Variants in NUDT5 observed in about 807,000 individuals in gnomAD.
NUDT5 encodes the protein ADP-sugar pyrophosphatase.
NUDT5 carries 21 observed loss-of-function variants against 34.1 expected under a neutral mutation model. The observed-to-expected ratio is 0.62, with a 90% CI of 0.44 to 0.89. The LOEUF (loss-of-function observed/expected upper bound fraction) is 0.89. Among genes scored for constraint, NUDT5 ranks in the 40% least tolerant of loss-of-function variants. The pLI is 0.00. For synonymous variants in NUDT5, 85 were observed against 97.6 expected (o/e 0.87, Z 0.76); for missense variants, 249 against 274.8 (o/e 0.91, Z 0.66).
chr10:12,184,852 A>C (rs1835099428), intron 3 of NUDT5, 37 bp downstream of exon 3: 1 of 1,233,686 alleles, frequency 8.1e-7, no homozygotes, highest in Admixed American at 1.9e-5. Flanking sequence ...TGAGAACCCA[A>C]ATAACGAACA....
chr10:12,185,325 C>T (rs1564426418), intron 2 of NUDT5, among the ~76,000 whole-genome samples: 1 of 152,200 alleles, frequency 6.6e-6, no homozygotes, highest in South Asian at 2.1e-4. Context: ...TGGGTGCATA[C>T]AACACAGGTG....
At chr10:12,177,756 A>G (rs2131706312) in intron 5 of NUDT5, 37 bp downstream of exon 5, 1 of 1,460,426 alleles carries the variant, frequency 6.8e-7, no homozygotes. Context: ...GTTCAGGCCA[A>G]CATCCCTAAG....
chr10:12,185,155 C>G (rs1053077040), intron 2 of NUDT5, among the ~76,000 whole-genome samples, 199 bp from the exon 3 acceptor site: 7 of 151,506 alleles, frequency 4.6e-5, no homozygotes, highest in Non-Finnish European at 7.4e-5. Context: ...ACTTCTGCTT[C>G]TTTTTGAAAT....
Position 12,177,795 on chromosome 10 carries a change from G to T in NUDT5, c.287C>A (p.Ala96Glu), listed in dbSNP as rs1359323301. ...CAATTCGATGTTGAGTGACTCACCT[G>T]CAGGGAACTCTATGCAGTAGCCCCC... Reference protein sequence around the residue: ...PMGGYCIEFPAGLIDDGETPE... With the variant: ...PMGGYCIEFPEGLIDDGETPE... The change falls in exon 5 of 10, where the codon GCA becomes GAA. Residue 96 changes from alanine to glutamate, a missense_variant and splice_region_variant. Transcript: ENST00000491614. 6 of 1,609,522 alleles carry T rather than the reference G, an allele frequency of 3.7e-6. No homozygotes were observed. The highest frequency in any genetic ancestry group is 5.1e-6 in the Non-Finnish European group (6 of 1,175,924).
chr10:12,168,993 C>T lies in NUDT5; in HGVS notation c.551-1182G>A, dbSNP rs1834783229. ...GGCCAGGCTGGTCTGGAGCTCCTGA[C>T]CTCAAGTGATCAGCCTACCTCGGCC... On this transcript the variant is annotated intron_variant, in intron 9 of 9. Transcript: ENST00000491614. The surrounding 1 kb of genome is among the most constrained non-coding windows in gnomAD (Gnocchi z 4.8). Among the ~76,000 whole-genome samples the T allele has an allele frequency of 6.6e-6, 1 of 152,002 alleles. No homozygotes were observed. Among genetic ancestry groups the T allele is most frequent in the Non-Finnish European group, 1.5e-5 (1 of 68,008 alleles).
chr10:12,185,354 G>A (rs532500973), intron 2 of NUDT5, among the ~76,000 whole-genome samples: 3 of 152,304 alleles, frequency 2.0e-5, no homozygotes, highest in Admixed American at 6.5e-5. Flanking sequence ...ATGTAGAAAT[G>A]GCCATTTCTA....
Position 12,167,038 on chromosome 10 carries a change from C to A in NUDT5, c.*664G>T, listed in dbSNP as rs1834716317. Reference sequence around the variant, plus strand: ...AGGAAAAGAGATCCTCAAGCACGTGCAGATGCTTGCGGGATGGACCTGAAT... The same window carrying A: ...AGGAAAAGAGATCCTCAAGCACGTGAAGATGCTTGCGGGATGGACCTGAAT... On this transcript the variant is annotated 3_prime_UTR_variant, in exon 10 of 10. Transcript: ENST00000491614. The A allele has an allele frequency of 5.3e-6, 1 of 189,038 alleles. No homozygotes were observed. The highest frequency in any genetic ancestry group is 5.6e-5 in the Admixed American group (1 of 18,016). The allele number at this position is 189,038 out of a possible 1,614,324, so 11.7% of individuals were successfully genotyped here. A position where few individuals can be genotyped will look rare whatever the true frequency, so the allele number is the denominator to read the frequency against.
rs571064755 is a variant in NUDT5, at chr10:12,194,102, T to C, written c.-42+1668A>G. On this transcript the variant is annotated intron_variant, in intron 1 of 9. Coordinates refer to ENST00000491614, the MANE Select transcript of NUDT5 (RefSeq NM_014142.4). The stretch of plus-strand genomic sequence containing the variant: ...ATGTTGGACAGGCTGGTCAAACTCC[T>C]GACCTCAGGTGATGCGCCCGCCTCG... 6.6e-5 allele frequency among the ~76,000 whole-genome samples: 10 copies of C among 152,334 alleles called. No individual in the cohort carries two copies. In the East Asian group the frequency reaches 1.9e-3, roughly 29 times the overall value.
chr10:12,184,887 A>T lies in NUDT5; in HGVS notation c.131+2T>A. ...ATTTTGTAAGAAAAAAAAAAAGTTTACCTAGTTTTACCAGTAGGATCCATG... is the reference window on the plus strand; with the variant it reads ...ATTTTGTAAGAAAAAAAAAAAGTTTTCCTAGTTTTACCAGTAGGATCCATG... On this transcript the variant is annotated splice_donor_variant, in intron 3 of 9. Transcript: ENST00000491614. LOFTEE classifies it high-confidence loss of function. The T allele has an allele frequency of 6.4e-7, 1 of 1,553,180 alleles. No individual in the cohort carries two copies. Among genetic ancestry groups the T allele is most frequent in the Non-Finnish European group, 8.8e-7 (1 of 1,138,560 alleles).
Position 12,187,262 on chromosome 10 carries a change from G to A in NUDT5, c.-41-930C>T, listed in dbSNP as rs991004029. Among the ~76,000 whole-genome samples, 4 of 151,628 alleles carry A rather than the reference G, an allele frequency of 2.6e-5. No homozygotes were observed. The highest frequency in any genetic ancestry group is 2.0e-4 in the East Asian group (1 of 5,050). ...TTTCACAGGCTGGTCTCAGACTCCC[G>A]GGCTCAAGCGATCCTCCTCCCGCCT... is the stretch of plus-strand genomic sequence containing the variant. On this transcript the variant is annotated intron_variant, in intron 1 of 9. Coordinates refer to ENST00000491614, the MANE Select transcript of NUDT5 (RefSeq NM_014142.4). This position sits in a 1 kb window ranked among gnomAD's most constrained non-coding sequence, Gnocchi z 5.4.
In NUDT5 at chr10:12,169,961, A is replaced by C; in HGVS notation, c.550+756T>G. 1.6e-6 allele frequency: 1 copy of C among 644,684 alleles called. No individual in the cohort carries two copies. Among genetic ancestry groups the C allele is most frequent in the South Asian group, 2.1e-5 (1 of 48,228 alleles). The allele number at this position is 644,684 out of a possible 1,614,324, so 39.9% of individuals were successfully genotyped here. On this transcript the variant is annotated intron_variant, in intron 9 of 9. Coordinates refer to ENST00000491614, the MANE Select transcript of NUDT5 (RefSeq NM_014142.4). The surrounding 1 kb of genome is among the most constrained non-coding windows in gnomAD (Gnocchi z 4.8). ...CCAATAAAATATTCCCATGATGACA[A>C]GTGTCTGCTTCTTTCTAGATGAGTG...
At chr10:12,172,465 C>T (rs182091483) in intron 7 of NUDT5, 3 of 372,572 alleles carry the variant, frequency 8.1e-6, no homozygotes, top group African/African-American at 6.1e-5. Flanking sequence ...TTAAGTTTCT[C>T]ACTGTTTACT....
At chr10:12,176,995 G>A (rs111513304) in intron 5 of NUDT5, among the ~76,000 whole-genome samples, 1 of 151,858 alleles carries the variant, frequency 6.6e-6, no homozygotes. Flanking sequence ...GGTGACACAC[G>A]CCTGTAATCC....
chr10:12,186,409 G>A, intron 1 of NUDT5, 77 bp from the exon 2 acceptor site: 2 of 785,358 alleles, frequency 2.5e-6, no homozygotes, highest in East Asian at 2.5e-5. Flanking sequence ...ACTAGTCAAA[G>A]TACTTAAACG....
intron 1 of NUDT5, among the ~76,000 whole-genome samples, chr10:12,191,814 A>G (rs1835235483): frequency 6.6e-6 from 1 of 152,246 alleles, no homozygotes; most frequent in African/African-American, 2.4e-5. Flanking sequence ...TTAATTTTTC[A>G]CCAACTTCAG....
At chr10:12,183,650 T>C (rs1279958073) in intron 3 of NUDT5, among the ~76,000 whole-genome samples, 1 of 152,254 alleles carries the variant, frequency 6.6e-6, no homozygotes, top group East Asian at 1.9e-4. Context: ...AAATTAATTT[T>C]CATAGTATTT....
In NUDT5 at chr10:12,173,690, AC is replaced by A. The variant is rs1187773685; in HGVS notation, c.385+27del. Reference sequence around the variant, plus strand: ...CCCTTCCCAGACGGAGGAATCCATCACTTGGTGAATTTTCAAGCAATACCAA... The same window carrying A: ...CCCTTCCCAGACGGAGGAATCCATCATTGGTGAATTTTCAAGCAATACCAA... On this transcript the variant is annotated intron_variant, in intron 6 of 9. Transcript: ENST00000491614. This position sits in a 1 kb window ranked among gnomAD's most constrained non-coding sequence, Gnocchi z 4.7. 9 of 1,501,016 alleles carry A rather than the reference AC, an allele frequency of 6.0e-6. No individual in the cohort carries two copies. Among genetic ancestry groups the A allele is most frequent in the Non-Finnish European group, 8.4e-6 (9 of 1,077,336 alleles). 93.0% of individuals were successfully genotyped at this position (1,501,016 alleles called of 1,614,324 possible). A position where few individuals can be genotyped will look rare whatever the true frequency, so the allele number is the denominator to read the frequency against.
In NUDT5 at chr10:12,181,545, C is replaced by T. The variant is rs966777222; in HGVS notation, c.132-2413G>A. 1.8e-4 allele frequency among the ~76,000 whole-genome samples: 27 copies of T among 152,136 alleles called. No individual in the cohort carries two copies. The highest frequency in any genetic ancestry group is 6.0e-4 in the African/African-American group (25 of 41,434). ...CAGAGCAGGAAATAAGCCAAAGAAC[C>T]CCACAATGAGTCATGCACATAGGTC... On this transcript the variant is annotated intron_variant, in intron 3 of 9. Transcript: ENST00000491614. The surrounding 1 kb of genome is among the most constrained non-coding windows in gnomAD (Gnocchi z 5.0).
chr10:12,175,242 C>G lies in NUDT5; in HGVS notation c.290-1429G>C, dbSNP rs1391710595. ...GGCTGAGGCAGGAGAATCGCTTGAC[C>G]CTGTTAGGCGGAGGTTGCAGTGAGC... On this transcript the variant is annotated intron_variant, in intron 5 of 9. Transcript: ENST00000491614. This position sits in a 1 kb window ranked among gnomAD's most constrained non-coding sequence, Gnocchi z 4.8. Among the ~76,000 whole-genome samples the G allele has an allele frequency of 6.6e-6, 1 of 152,016 alleles. No individual in the cohort carries two copies. Among genetic ancestry groups the G allele is most frequent in the Non-Finnish European group, 1.5e-5 (1 of 68,016 alleles).
Sources: allele counts gnomAD v4.1 joint callset (sites outside exome capture counted in the v4.1 genomes callset), GRCh38; gene constraint gnomAD v4.1.1; non-coding constraint Gnocchi (gnomAD v3.1); transcripts MANE v1.5; gene names NCBI Gene and HGNC (gene_info 2026-07-23, HGNC 2026-07-21).